Variants in MIPOL1 observed in about 807,000 individuals in gnomAD.
MIPOL1 encodes mirror-image polydactyly gene 1 protein.
MIPOL1 carries 57 observed loss-of-function variants against 60.9 expected under a neutral mutation model. That is an observed-to-expected ratio of 0.94 (90% CI 0.76 to 1.17). The LOEUF is 1.17. Among genes scored for constraint, MIPOL1 ranks in the 50% most tolerant of loss-of-function variants. The pLI is 0.00. For synonymous variants in MIPOL1, 179 were observed against 168.8 expected, an observed-to-expected ratio of 1.06 and a Z score of -0.47; for missense variants, 551 against 511.6, an observed-to-expected ratio of 1.08 and a Z score of -0.74.
intron 1 of MIPOL1, among the ~76,000 whole-genome samples, chr14:37,207,555 TTA>T (rs1555356908): frequency 2.0e-5 from 3 of 151,994 alleles, no homozygotes; most frequent in African/African-American, 7.2e-5. Flanking sequence ...ATTATTATTA[TTA>T]TTTTTTGAGA....
At position 37,376,959 on chromosome 14, in the gene MIPOL1, G is replaced by T. The variant is rs1040033503; in HGVS notation, c.936+7335G>T. On this transcript the variant is annotated intron_variant, in intron 10 of 12. Transcript: ENST00000684589. Reference sequence around the variant, plus strand: ...CACCAGCAGTTGATGTTTCTTTTTTGTAGTCTTCTCAATTTAATCTTTTCC... The same window carrying T: ...CACCAGCAGTTGATGTTTCTTTTTTTTAGTCTTCTCAATTTAATCTTTTCC... 2.6e-5 allele frequency among the ~76,000 whole-genome samples: 4 copies of T among 152,140 alleles called. No individual in the cohort carries two copies. In the South Asian group the frequency reaches 8.3e-4, roughly 32 times the overall value.
intron 11 of MIPOL1, 65 bp downstream of exon 11, chr14:37,423,014 T>G (rs1022818895): frequency 1.2e-5 from 12 of 986,222 alleles, no homozygotes; most frequent in Non-Finnish European, 1.4e-5. Context: ...TCTACCTGAT[T>G]TTACAATAGT....
chr14:37,241,207 A>T (rs1972303649), intron 1 of MIPOL1, among the ~76,000 whole-genome samples: 1 of 152,174 alleles, frequency 6.6e-6, no homozygotes, highest in African/African-American at 2.4e-5. Flanking sequence ...AGCTGAAGGC[A>T]GTAAGGCAAA....
At chr14:37,532,967 G>A (rs2095488474) in intron 12 of MIPOL1, among the ~76,000 whole-genome samples, 1 of 151,996 alleles carries the variant, frequency 6.6e-6, no homozygotes, top group African/African-American at 2.4e-5. Flanking sequence ...CAAAAAAAGT[G>A]TATATGTTTG....
intron 10 of MIPOL1, among the ~76,000 whole-genome samples, chr14:37,415,568 G>A (rs1595678035): frequency 6.8e-6 from 1 of 147,872 alleles, no homozygotes; most frequent in Admixed American, 6.9e-5. Flanking sequence ...GGCGGAGCTT[G>A]CAGTGAGCCG....
At chr14:37,531,668 A>G (rs182793041) in intron 12 of MIPOL1, among the ~76,000 whole-genome samples, 2 of 152,318 alleles carry the variant, frequency 1.3e-5, no homozygotes, top group East Asian at 1.9e-4. Context: ...ATAACAAATT[A>G]CAACTTTCAC....
At chr14:37,518,365 G>C (rs1351030416) in intron 12 of MIPOL1, among the ~76,000 whole-genome samples, 1 of 152,096 alleles carries the variant, frequency 6.6e-6, no homozygotes, top group Non-Finnish European at 1.5e-5. Flanking sequence ...TAATTTTTTT[G>C]AGACAGAGTC....
chr14:37,457,734 C>A (rs1408493662), intron 11 of MIPOL1, among the ~76,000 whole-genome samples: 5 of 152,160 alleles, frequency 3.3e-5, no homozygotes, highest in African/African-American at 1.2e-4. Context: ...TTAAGTGCTC[C>A]TTGTATGTAT....
intron 3 of MIPOL1, among the ~76,000 whole-genome samples, chr14:37,250,594 T>C (rs1973924564): frequency 6.6e-6 from 1 of 152,078 alleles, no homozygotes; most frequent in Non-Finnish European, 1.5e-5. Flanking sequence ...ATATTTTAAC[T>C]TTCAAGTCTT....
At chr14:37,278,314 TA>T (rs2083829755) in intron 6 of MIPOL1, 1 of 151,640 alleles carries the variant, frequency 6.6e-6, no homozygotes, top group African/African-American at 2.4e-5. Flanking sequence ...TTAAGGAAAT[TA>T]AAATATATAA....
intron 9 of MIPOL1, among the ~76,000 whole-genome samples, chr14:37,316,372 G>T (rs1477062750): frequency 1.3e-5 from 2 of 152,028 alleles, no homozygotes; most frequent in Non-Finnish European, 2.9e-5. Flanking sequence ...GTTCCCTTGA[G>T]TGGTGTGAAT....
chr14:37,278,973 T>G (rs2083884974), intron 6 of MIPOL1: 1 of 151,744 alleles, frequency 6.6e-6, no homozygotes. Flanking sequence ...TGATCCTCTC[T>G]GAATCTTTCT....
At chr14:37,270,603 A>G (rs2083225277) in intron 6 of MIPOL1, 78 bp downstream of exon 6, 3 of 610,012 alleles carry the variant, frequency 4.9e-6, no homozygotes, top group Non-Finnish European at 7.6e-6. Context: ...GGTGAATACT[A>G]GCATACTGGC....
intron 9 of MIPOL1, among the ~76,000 whole-genome samples, chr14:37,347,585 A>T (rs756458921): frequency 6.6e-6 from 1 of 152,230 alleles, no homozygotes; most frequent in Non-Finnish European, 1.5e-5. Context: ...TTTAACAAGC[A>T]CAAAGAGTAT....
intron 11 of MIPOL1, among the ~76,000 whole-genome samples, chr14:37,482,712 C>G (rs139060511): frequency 9.2e-5 from 14 of 152,158 alleles, no homozygotes; most frequent in African/African-American, 3.4e-4. Context: ...CCCTCGACAC[C>G]TGAATTGCAA....
chr14:37,276,254 CTGA>C (rs1335420125), intron 6 of MIPOL1: 17 of 150,614 alleles, frequency 1.1e-4, no homozygotes, highest in Non-Finnish European at 1.9e-4. Context: ...CAAATTTAGA[CTGA>C]TATTTTGTAA....
chr14:37,314,395 G>T (rs945558719), intron 9 of MIPOL1, among the ~76,000 whole-genome samples: 1 of 152,156 alleles, frequency 6.6e-6, no homozygotes, highest in Non-Finnish European at 1.5e-5. Context: ...AGTAAACTAA[G>T]TGAGAGGAAG....
rs548326776 is a variant in MIPOL1, at chr14:37,298,994, C to T, written c.624-9062C>T. 4.6e-5 allele frequency among the ~76,000 whole-genome samples: 7 copies of T among 151,736 alleles called. No homozygotes were observed. The South Asian group carries it at 1.3e-3, about 27-fold the overall frequency. ...AATCATGCTGCTATAAAGACACATG[C>T]ACACGTATGTTTATTGTGGCACTAT... On this transcript the variant is annotated intron_variant, in intron 7 of 12. Transcript: ENST00000684589.
At chr14:37,272,294 C>G (rs2083356178) in intron 6 of MIPOL1, among the ~76,000 whole-genome samples, 1 of 151,450 alleles carries the variant, frequency 6.6e-6, no homozygotes, top group Non-Finnish European at 1.5e-5. Context: ...GATAAATTTT[C>G]AAAGTATATC....
Sources: gnomAD v4.1 joint callset for allele counts (sites outside exome capture counted in the v4.1 genomes callset) on GRCh38, gnomAD v4.1.1 for gene constraint, MANE v1.5 for transcripts, NCBI Gene and HGNC (gene_info 2026-07-23, HGNC 2026-07-21) for gene names.